CPQ: variants seen among roughly 807,000 people sequenced by gnomAD.
CPQ encodes the protein Ser-Met dipeptidase.
Under a neutral mutation model 45.7 loss-of-function variants are expected in CPQ, and 37 were observed. That is an observed-to-expected ratio of 0.81 (90% CI 0.62 to 1.07). The LOEUF is 1.07. Ranked by LOEUF, CPQ falls within the 50% of genes least tolerant of loss-of-function variation. CPQ has a pLI of 0.00. For synonymous variants in CPQ, 186 were observed against 205.8 expected (o/e 0.90, Z 0.82); for missense variants, 537 against 572.9 (o/e 0.94, Z 0.64).
intron 7 of CPQ, among the ~76,000 whole-genome samples, chr8:97,081,549 A>G (rs1409315058): frequency 6.6e-6 from 1 of 152,190 alleles, no homozygotes; most frequent in African/African-American, 2.4e-5. Flanking sequence ...CTGCAAGGCC[A>G]CAACAGTTGC....
chr8:96,971,807 T>C (rs991717953), intron 5 of CPQ, among the ~76,000 whole-genome samples: 1 of 152,214 alleles, frequency 6.6e-6, no homozygotes, highest in African/African-American at 2.4e-5. Context: ...ATTGCACTTA[T>C]CGATGAAAGT....
chr8:96,666,097 A>C (rs1408519083), intron 1 of CPQ, among the ~76,000 whole-genome samples: 1 of 152,126 alleles, frequency 6.6e-6, no homozygotes, highest in Non-Finnish European at 1.5e-5. Flanking sequence ...CAAAGCAAGT[A>C]GGCTTAGGTT....
At position 96,918,711 on chromosome 8, in the gene CPQ, TCTCAC is replaced by T. The variant is rs1812765049; in HGVS notation, c.849+38719_849+38723del. Among the ~76,000 whole-genome samples the T allele has an allele frequency of 6.6e-5, 10 of 152,172 alleles. No homozygotes were observed. In the South Asian group the frequency reaches 2.1e-3, roughly 32 times the overall value. ...TCACCTCCTTGTTCTTAGATTGATG[TCTCAC>T]CTCACCTCACCTTCCACTGTGCCCA... is the stretch of plus-strand genomic sequence containing the variant. On this transcript the variant is annotated intron_variant, in intron 4 of 7. Coordinates refer to ENST00000220763, the MANE Select transcript of CPQ (RefSeq NM_016134.4).
intron 7 of CPQ, among the ~76,000 whole-genome samples, chr8:97,122,681 T>C (rs1001885984): frequency 6.6e-6 from 1 of 151,624 alleles, no homozygotes; most frequent in African/African-American, 2.4e-5. Context: ...GGTCCGGAGT[T>C]TGAGAACAGG....
chr8:97,077,957 T>C (rs1216045412), intron 7 of CPQ, among the ~76,000 whole-genome samples: 1 of 152,252 alleles, frequency 6.6e-6, no homozygotes. Context: ...TATAAGAAGG[T>C]AGGATAAATG....
intron 4 of CPQ, among the ~76,000 whole-genome samples, chr8:96,892,212 G>T (rs1329676157): frequency 1.3e-5 from 2 of 152,168 alleles, no homozygotes; most frequent in Non-Finnish European, 2.9e-5. Context: ...CTTTAGCATT[G>T]ATGCTGTCAA....
chr8:97,092,315 C>G (rs903305005), intron 7 of CPQ: 1 of 152,172 alleles, frequency 6.6e-6, no homozygotes, highest in Non-Finnish European at 1.5e-5. Flanking sequence ...TTCATATAAA[C>G]ATAGAATGGA....
chr8:97,077,540 T>C (rs984511846), intron 7 of CPQ, among the ~76,000 whole-genome samples: 1 of 152,230 alleles, frequency 6.6e-6, no homozygotes, highest in Non-Finnish European at 1.5e-5. Flanking sequence ...AAGGGAGCCA[T>C]GTACAATCTG....
chr8:96,828,053 C>A (rs1415567242), intron 2 of CPQ, among the ~76,000 whole-genome samples: 1 of 152,036 alleles, frequency 6.6e-6, no homozygotes, highest in Non-Finnish European at 1.5e-5. Flanking sequence ...AGTTTGGGCA[C>A]TATGCTTGCT....
chr8:96,818,377 A>G (rs1176390492), intron 2 of CPQ, among the ~76,000 whole-genome samples: 1 of 151,968 alleles, frequency 6.6e-6, no homozygotes, highest in African/African-American at 2.4e-5. Context: ...AGATCATCAT[A>G]ACAGATATAG....
chr8:97,089,502 T>G (rs1811097512), intron 7 of CPQ, among the ~76,000 whole-genome samples: 1 of 152,130 alleles, frequency 6.6e-6, no homozygotes. Context: ...TTCTTCATTT[T>G]CTATTAGTAC....
intron 7 of CPQ, among the ~76,000 whole-genome samples, chr8:97,104,754 A>T (rs1811375330): frequency 6.6e-6 from 1 of 152,158 alleles, no homozygotes; most frequent in African/African-American, 2.4e-5. Context: ...AGGGATCTAG[A>T]ATCCCTCAGT....
chr8:96,818,258 C>T (rs1201915842), intron 2 of CPQ, among the ~76,000 whole-genome samples: 1 of 151,826 alleles, frequency 6.6e-6, no homozygotes, highest in Non-Finnish European at 1.5e-5. Context: ...ACCTTCCGGA[C>T]AAGTCAGAAC....
At chr8:96,704,999 G>T (rs146641063) in intron 1 of CPQ, among the ~76,000 whole-genome samples, 3,140 of 152,250 alleles carry the variant, frequency 0.021, 122 homozygotes, top group African/African-American at 0.072. Flanking sequence ...TGATGAAATT[G>T]TCTAGGGGGA....
chr8:97,018,426 T>C (rs1458799934), intron 5 of CPQ, among the ~76,000 whole-genome samples: 4 of 152,158 alleles, frequency 2.6e-5, no homozygotes, highest in South Asian at 4.1e-4. Flanking sequence ...AGAAGGTTAG[T>C]TGTTAAGCTA....
At position 96,960,003 on chromosome 8, in the gene CPQ, T is replaced by C. The variant is rs184979256; in HGVS notation, c.850-5932T>C. On this transcript the variant is annotated intron_variant, in intron 4 of 7. Transcript: ENST00000220763. ...TTTATTGTCAGATGGGCCTGTTGTT[T>C]ACTGACAATTGACCAACATGAATGT... is the stretch of plus-strand genomic sequence containing the variant. Among the ~76,000 whole-genome samples, 31 of 152,250 alleles carry C rather than the reference T, an allele frequency of 2.0e-4. No individual in the cohort carries two copies. In the East Asian group the frequency reaches 5.6e-3, roughly 27 times the overall value.
intron 2 of CPQ, among the ~76,000 whole-genome samples, chr8:96,806,015 A>C (rs916431421): frequency 1.3e-4 from 20 of 152,242 alleles, no homozygotes; most frequent in African/African-American, 4.3e-4. Flanking sequence ...TGGCCATTAG[A>C]GCCCTTTTAA....
At chr8:97,123,756 T>C (rs2130613157) in intron 7 of CPQ, among the ~76,000 whole-genome samples, 1 of 152,044 alleles carries the variant, frequency 6.6e-6, no homozygotes, top group South Asian at 2.1e-4. Flanking sequence ...TTCAGTTATA[T>C]GCTATTTACA....
chr8:97,013,803 C>T (rs1024382487), intron 5 of CPQ, among the ~76,000 whole-genome samples: 10 of 151,970 alleles, frequency 6.6e-5, no homozygotes, highest in Admixed American at 5.9e-4. Flanking sequence ...GATGGTCTAT[C>T]CCATAGACCA....
Sources: allele counts gnomAD v4.1 joint callset (sites outside exome capture counted in the v4.1 genomes callset), GRCh38; gene constraint gnomAD v4.1.1; transcripts MANE v1.5; gene names NCBI Gene and HGNC (gene_info 2026-07-23, HGNC 2026-07-21).